Variants in RBBP7 observed in about 807,000 individuals in gnomAD.
The protein encoded by RBBP7 is RB binding protein 7, chromatin remodeling factor, also known as histone-binding protein RBBP7.
RBBP7 carries 5 observed loss-of-function variants against 35.2 expected under a neutral mutation model. The ratio of observed to expected loss-of-function variants is 0.14; its 90% CI spans 0.07 to 0.30. The LOEUF (loss-of-function observed/expected upper bound fraction) is 0.30, where lower values mean the gene tolerates loss of function less well. Among genes scored for constraint, RBBP7 ranks in the 10% least tolerant of loss-of-function variants. The pLI, the probability that RBBP7 is intolerant of heterozygous loss-of-function variation, is 1.00. For synonymous variants in RBBP7, 140 were observed against 118.7 expected (o/e 1.18, Z -1.17); for missense variants, 155 against 327.5 (o/e 0.47, Z 4.07).
chrX:16,855,468 G>C (rs955323021), intron 5 of RBBP7, among the ~76,000 whole-genome samples: 2 of 111,892 alleles, frequency 1.8e-5, no homozygotes, highest in Admixed American at 1.9e-4. Flanking sequence ...TACACATGAA[G>C]ACACTCAATG....
chrX:16,860,776 G>A (rs1015582902), intron 3 of RBBP7, among the ~76,000 whole-genome samples: 4 of 111,317 alleles, frequency 3.6e-5, no homozygotes, highest in African/African-American at 1.3e-4. Context: ...TACACTGGAT[G>A]TGTAACTTTA....
chrX:16,859,066 T>C (rs1018387998), intron 3 of RBBP7, among the ~76,000 whole-genome samples: 1 of 112,646 alleles, frequency 8.9e-6, no homozygotes, highest in Admixed American at 9.4e-5. Context: ...TATTGGTAGC[T>C]GCCTTATGCA....
chrX:16,864,125 G>T (rs967823961), intron 2 of RBBP7, among the ~76,000 whole-genome samples: 50 of 110,040 alleles, frequency 4.5e-4, no homozygotes, highest in African/African-American at 1.5e-3. Flanking sequence ...TTGGCTTACG[G>T]TAAAAAAGTG....
intron 6 of RBBP7, 189 bp from the exon 7 acceptor site, chrX:16,853,064 A>T (rs1055910342): frequency 1.7e-6 from 1 of 574,209 alleles, no homozygotes; most frequent in African/African-American, 2.3e-5. Flanking sequence ...AGAACAAGCT[A>T]GGGCTGTTAG....
At chrX:16,861,204 C>T (rs1320868151) in intron 3 of RBBP7, among the ~76,000 whole-genome samples, 2 of 112,033 alleles carry the variant, frequency 1.8e-5, no homozygotes, top group Admixed American at 9.5e-5. Flanking sequence ...ACAAAAAAAC[C>T]CCAATATTTA....
At chrX:16,855,991 G>A (rs1930338571) in intron 5 of RBBP7, among the ~76,000 whole-genome samples, 1 of 33,784 alleles carries the variant, frequency 3.0e-5, no homozygotes, top group Non-Finnish European at 4.5e-5. Context: ...GCAAGACCTT[G>A]TCTCAAAAAA....
intron 2 of RBBP7, 131 bp downstream of exon 2, chrX:16,868,945 A>T: frequency 1.4e-6 from 1 of 704,351 alleles, no homozygotes; most frequent in Non-Finnish European, 2.0e-6. Flanking sequence ...TAAGTTTTGA[A>T]AATAAAAACC....
At chrX:16,856,621 T>C (rs2147520502) in intron 5 of RBBP7, among the ~76,000 whole-genome samples, 1 of 109,888 alleles carries the variant, frequency 9.1e-6, no homozygotes, top group African/African-American at 3.3e-5. Context: ...ACCCAGGAAA[T>C]ACCACTTTAT....
At chrX:16,857,955 G>A (rs764242569) in intron 4 of RBBP7, among the ~76,000 whole-genome samples, 5 of 111,232 alleles carry the variant, frequency 4.5e-5, no homozygotes, top group Non-Finnish European at 9.4e-5. Context: ...AGTGGTGACC[G>A]TATCCCCGCA....
At chrX:16,845,736 C>T in intron 11 of RBBP7, 92 bp downstream of exon 11, 2 of 1,101,463 alleles carry the variant, frequency 1.8e-6, no homozygotes, top group Non-Finnish European at 1.2e-6. Context: ...GCATAATATG[C>T]ACCTACATAT....
chrX:16,857,576 A>G lies in RBBP7; in HGVS notation c.597+18T>C, dbSNP rs1447988469. ...AGCTCTCACTATATGAACAAATTAC[A>G]AAGAATACGTTTCTCACATGGTCAT... On this transcript the variant is annotated intron_variant, in intron 5 of 11. Transcript: ENST00000380087. The G allele has an allele frequency of 5.8e-6, 7 of 1,208,617 alleles. No homozygotes were observed. The Admixed American group carries it at 8.8e-5, about 15-fold the overall frequency.
chrX:16,858,709 C>G lies in RBBP7; in HGVS notation c.448G>C (p.Val150Leu). 8.3e-7 allele frequency: 1 copy of G among 1,211,622 alleles called. No individual in the cohort carries two copies. ...GCAGGGTGTTTTGTATAGTCAAAAA[C>G]CAACACATCAGAAGATGGTGTTTTT... ...ATKTPSSDVL[V>L]FDYTKHPAKP... Residue 150 changes from valine to leucine, a missense_variant, in exon 4 of 12, where the codon GTT becomes CTT. Physicochemically the swap from Val to Leu is conservative, Grantham distance 32 (BLOSUM62 1). This residue lies in a region of RBBP7 where 79 missense variants were observed against 220.8 expected (regional missense o/e 0.36). Transcript: ENST00000380087.
chrX:16,863,763 G>C (rs923612466), intron 2 of RBBP7, among the ~76,000 whole-genome samples: 2 of 112,251 alleles, frequency 1.8e-5, no homozygotes, highest in Admixed American at 1.9e-4. Context: ...TTTTACCGAG[G>C]TATCTTTGTT....
In RBBP7 at chrX:16,845,953, A is replaced by G. The variant is rs777447035; in HGVS notation, c.1099-15T>C. On this transcript the variant is annotated splice_polypyrimidine_tract_variant and intron_variant, in intron 10 of 11. Coordinates refer to ENST00000380087, the MANE Select transcript of RBBP7 (RefSeq NM_002893.4). ...CCATGAATAAACTGTTACAAGAACA[A>G]AAAAAGCTTTGATTTCATATACTCT... 2 of 1,202,479 alleles carry G rather than the reference A, an allele frequency of 1.7e-6. No homozygotes were observed. Among genetic ancestry groups the G allele is most frequent in the Non-Finnish European group, 2.2e-6 (2 of 892,576 alleles).
chrX:16,864,647 T>C (rs1930563284), intron 2 of RBBP7, among the ~76,000 whole-genome samples: 1 of 110,479 alleles, frequency 9.1e-6, no homozygotes, highest in Non-Finnish European at 1.9e-5. Context: ...TTAGGTGGTC[T>C]TTATATGTAT....
intron 2 of RBBP7, among the ~76,000 whole-genome samples, chrX:16,864,964 T>G (rs1930574324): frequency 1.9e-5 from 2 of 104,957 alleles, no homozygotes; most frequent in Admixed American, 2.1e-4. Context: ...CCAGGTGCAG[T>G]GCTGTGCACC....
chrX:16,869,964 C>T, intron 1 of RBBP7, 74 bp downstream of exon 1: 1 of 751,110 alleles, frequency 1.3e-6, no homozygotes, highest in Non-Finnish European at 1.6e-6. Flanking sequence ...CGCCTTTCGC[C>T]GGCGCGTGCC....
chrX:16,860,720 A>T (rs1392074670), intron 3 of RBBP7, among the ~76,000 whole-genome samples: 1 of 110,621 alleles, frequency 9.0e-6, no homozygotes, highest in African/African-American at 3.3e-5. Flanking sequence ...TATATACTGA[A>T]TATTAACAAA....
Position 16,870,066 on chromosome X carries a change from C to A in RBBP7, c.-13G>T. On this transcript the variant is annotated 5_prime_UTR_variant, in exon 1 of 12. Coordinates refer to ENST00000380087, the MANE Select transcript of RBBP7 (RefSeq NM_002893.4). ...CTTTACTCGCCATCTTGCGTCGGGT[C>A]GTTCGCCCCTCGCCGCCGCCTCGGA... The A allele has an allele frequency of 9.2e-7, 1 of 1,086,977 alleles. No individual in the cohort carries two copies. Among genetic ancestry groups the A allele is most frequent in the South Asian group, 2.2e-5 (1 of 45,512 alleles). The allele number at this position is 1,086,977 out of a possible 1,213,427, so 89.6% of individuals were successfully genotyped here. A position where few individuals can be genotyped will look rare whatever the true frequency, so the allele number is the denominator to read the frequency against.
Sources: gnomAD v4.1 joint callset for allele counts (sites outside exome capture counted in the v4.1 genomes callset) on GRCh38, gnomAD v4.1.1 for gene constraint, gnomAD v4.1.1 regional missense constraint, MANE v1.5 for transcripts, NCBI Gene and HGNC (gene_info 2026-07-23, HGNC 2026-07-21) for gene names.